Variants in CSMD1 observed in about 807,000 individuals in gnomAD.
CSMD1 encodes CUB and Sushi multiple domains 1.
Under a neutral mutation model 417.5 loss-of-function variants are expected in CSMD1, and 213 were observed. That is an observed-to-expected ratio of 0.51 (90% CI 0.46 to 0.57). The LOEUF (loss-of-function observed/expected upper bound fraction) is 0.57. Ranked by LOEUF, CSMD1 falls within the 20% of genes least tolerant of loss-of-function variation. The probability of loss-of-function intolerance (pLI) is 0.00; values close to 1 mark genes in which losing one functional copy is unlikely to be tolerated. For missense variants in CSMD1, 6,923 were observed against 4,529.7 expected (o/e 1.53, Z -15.17); for synonymous variants, 2,862 against 1,736.8 (o/e 1.65, Z -16.11).
intron 46 of CSMD1, among the ~76,000 whole-genome samples, chr8:3,097,453 C>T (rs1815393537): frequency 7.9e-6 from 1 of 126,514 alleles, no homozygotes. Flanking sequence ...TTTAAATATA[C>T]AGTAGGCCCC....
At chr8:4,482,375 T>C (rs747612085) in intron 2 of CSMD1, among the ~76,000 whole-genome samples, 1 of 152,206 alleles carries the variant, frequency 6.6e-6, no homozygotes. Context: ...GTTAGTTTGC[T>C]AAGGATAATG....
chr8:3,454,094 G>A (rs993549551), intron 12 of CSMD1, among the ~76,000 whole-genome samples: 6 of 152,036 alleles, frequency 3.9e-5, no homozygotes, highest in Non-Finnish European at 7.4e-5. Context: ...TTTGATCTTT[G>A]TTGGTTTAAA....
At chr8:4,907,600 C>A (rs557627418) in intron 1 of CSMD1, among the ~76,000 whole-genome samples, 14 of 152,170 alleles carry the variant, frequency 9.2e-5, no homozygotes, top group Admixed American at 2.6e-4. Context: ...CACTCTGTTA[C>A]CCAAGCTGAA....
intron 2 of CSMD1, among the ~76,000 whole-genome samples, chr8:4,587,388 T>C (rs1374543150): frequency 1.3e-5 from 1 of 76,478 alleles, no homozygotes; most frequent in African/African-American, 7.7e-5. Flanking sequence ...TATATGTACA[T>C]ACATGTATAT....
At chr8:3,381,912 A>G (rs1346527924) in intron 18 of CSMD1, among the ~76,000 whole-genome samples, 1 of 152,206 alleles carries the variant, frequency 6.6e-6, no homozygotes, top group African/African-American at 2.4e-5. Flanking sequence ...TATACAGTAT[A>G]TGCATATACA....
intron 4 of CSMD1, among the ~76,000 whole-genome samples, chr8:4,019,055 G>A (rs887017814): frequency 2.6e-5 from 4 of 152,210 alleles, no homozygotes; most frequent in African/African-American, 4.8e-5. Context: ...CTTTGAGACA[G>A]ATGCTACTCC....
intron 10 of CSMD1, among the ~76,000 whole-genome samples, chr8:3,564,017 A>C (rs1799587587): frequency 6.6e-6 from 1 of 152,100 alleles, no homozygotes; most frequent in South Asian, 2.1e-4. Flanking sequence ...AGCTACTTTT[A>C]TTTTGATTTG....
At chr8:2,963,519 AAT>A in intron 59 of CSMD1, 124 bp from the exon 60 acceptor site, 15 of 943,346 alleles carry the variant, frequency 1.6e-5, no homozygotes, top group Non-Finnish European at 2.2e-5. Flanking sequence ...TTTAAAAAAA[AAT>A]AATAAAAGAA....
intron 12 of CSMD1, among the ~76,000 whole-genome samples, chr8:3,429,771 T>C (rs1321768787): frequency 6.6e-6 from 1 of 152,186 alleles, no homozygotes; most frequent in Non-Finnish European, 1.5e-5. Context: ...TGGTTGTTGT[T>C]TTCTATGGTT....
chr8:4,977,763 G>C (rs546817864), intron 1 of CSMD1, among the ~76,000 whole-genome samples: 7 of 152,226 alleles, frequency 4.6e-5, no homozygotes, highest in African/African-American at 1.7e-4. Context: ...TCACCTGCTA[G>C]AGATGAATGC....
chr8:3,403,377 G>C (rs960763366), intron 15 of CSMD1, among the ~76,000 whole-genome samples: 1 of 152,070 alleles, frequency 6.6e-6, no homozygotes, highest in African/African-American at 2.4e-5. Flanking sequence ...GCAGTGATCG[G>C]GGTACCCGCC....
chr8:4,593,949 C>A (rs746631125), intron 2 of CSMD1, among the ~76,000 whole-genome samples: 1 of 152,090 alleles, frequency 6.6e-6, no homozygotes, highest in Non-Finnish European at 1.5e-5. Context: ...TCAGGAGGAT[C>A]ACGTTCCCTC....
At position 3,836,292 on chromosome 8, in the gene CSMD1, G is replaced by T. The variant is rs530702654; in HGVS notation, c.819-82250C>A. Among the ~76,000 whole-genome samples the T allele has an allele frequency of 2.6e-5, 4 of 152,178 alleles. No homozygotes were observed. The South Asian group carries it at 8.3e-4, about 32-fold the overall frequency. ...GGCATTAAAAAACTGATTGAAGCTT[G>T]TAACAAGTCAAAGCAGTTTGCCAGT... On this transcript the variant is annotated intron_variant, in intron 5 of 69. Transcript: ENST00000635120.
intron 9 of CSMD1, among the ~76,000 whole-genome samples, chr8:3,584,788 G>C (rs1800527672): frequency 6.6e-6 from 1 of 151,980 alleles, no homozygotes; most frequent in South Asian, 2.1e-4. Flanking sequence ...ACTATTGAAG[G>C]ATTTTTTTTT....
At chr8:3,830,042 T>G (rs1011626383) in intron 5 of CSMD1, among the ~76,000 whole-genome samples, 1 of 152,206 alleles carries the variant, frequency 6.6e-6, no homozygotes, top group Non-Finnish European at 1.5e-5. Flanking sequence ...ACTCTTCTAA[T>G]AACTTTTTGG....
intron 21 of CSMD1, among the ~76,000 whole-genome samples, chr8:3,351,406 T>A (rs1483028401): frequency 1.3e-5 from 2 of 150,190 alleles, no homozygotes; most frequent in African/African-American, 4.9e-5. Context: ...AGGTCAGGAG[T>A]TGAAGACCAG....
At chr8:4,599,238 A>G (rs1281287346) in intron 2 of CSMD1, among the ~76,000 whole-genome samples, 1 of 152,232 alleles carries the variant, frequency 6.6e-6, no homozygotes, top group East Asian at 1.9e-4. Flanking sequence ...AAATGAGATT[A>G]AATAATTCTA....
chr8:3,696,300 T>C (rs1469178472), intron 7 of CSMD1, among the ~76,000 whole-genome samples: 1 of 152,210 alleles, frequency 6.6e-6, no homozygotes, highest in Non-Finnish European at 1.5e-5. Flanking sequence ...GCATGCAAAA[T>C]ATGGTGCCTT....
At chr8:4,579,723 C>A (rs1799324494) in intron 2 of CSMD1, among the ~76,000 whole-genome samples, 1 of 152,034 alleles carries the variant, frequency 6.6e-6, no homozygotes, top group African/African-American at 2.4e-5. Flanking sequence ...ATGTTTTTTA[C>A]ATGGTGAATT....
Sources: gnomAD v4.1 joint callset for allele counts (sites outside exome capture counted in the v4.1 genomes callset) on GRCh38, gnomAD v4.1.1 for gene constraint, MANE v1.5 for transcripts, NCBI Gene and HGNC (gene_info 2026-07-23, HGNC 2026-07-21) for gene names.